RNASE4: variants seen among roughly 807,000 people sequenced by gnomAD.
The protein encoded by RNASE4 is ribonuclease A family member 4, also known as ribonuclease 4.
For synonymous variants in RNASE4, 93 were observed against 71.4 expected, an observed-to-expected ratio of 1.30 and a Z score of -1.52; for missense variants, 194 against 192.8, an observed-to-expected ratio of 1.01 and a Z score of -0.04.
At chr14:20,687,383 G>T (rs149763105) in intron 1 of RNASE4, among the ~76,000 whole-genome samples, 155 of 152,342 alleles carry the variant, frequency 1.0e-3, no homozygotes, top group African/African-American at 3.4e-3. Context: ...GCTGCTGGTT[G>T]CCCCACCTCA....
At chr14:20,690,333 A>T (rs563184930) in intron 1 of RNASE4, among the ~76,000 whole-genome samples, 1 of 152,130 alleles carries the variant, frequency 6.6e-6, no homozygotes, top group South Asian at 2.1e-4. Flanking sequence ...GTTTGGGTAC[A>T]GAAGGATATA....
intron 1 of RNASE4, chr14:20,693,461 G>A (rs1282392186): frequency 2.9e-5 from 44 of 1,539,896 alleles, no homozygotes; most frequent in Middle Eastern, 2.3e-4. Flanking sequence ...TCATGATGCC[G>A]TGTCAGAGAG....
At chr14:20,689,979 G>T (rs1481992198) in intron 1 of RNASE4, among the ~76,000 whole-genome samples, 9 of 149,874 alleles carry the variant, frequency 6.0e-5, no homozygotes, top group Non-Finnish European at 1.3e-4. Flanking sequence ...ACTTTGGGAG[G>T]CCGAGGCGGG....
At chr14:20,687,202 A>G (rs1482043922) in intron 1 of RNASE4, among the ~76,000 whole-genome samples, 1 of 152,246 alleles carries the variant, frequency 6.6e-6, no homozygotes, top group East Asian at 1.9e-4. Context: ...ATTCTAATGA[A>G]ATAGTAATTT....
intron 1 of RNASE4, among the ~76,000 whole-genome samples, chr14:20,686,410 GT>G (rs1886429203): frequency 1.3e-5 from 2 of 152,238 alleles, no homozygotes; most frequent in South Asian, 4.1e-4. Context: ...ATTGGTCACT[GT>G]GACTCAAATT....
rs560132718 is a variant in RNASE4, at chr14:20,693,127, G to A, written c.-17-6228G>A. ...CTCCCAAAGTGCTGGGATTACAGGC[G>A]TGAGCCACCGCGCCCGGCCGTCATT... On this transcript the variant is annotated intron_variant, in intron 1 of 1. Transcript: ENST00000555835. Among the ~76,000 whole-genome samples, 10 of 152,334 alleles carry A rather than the reference G, an allele frequency of 6.6e-5. No homozygotes were observed. The East Asian group carries it at 9.6e-4, about 15-fold the overall frequency.
At chr14:20,684,954 T>C (rs757103633) in intron 1 of RNASE4, among the ~76,000 whole-genome samples, 196 bp downstream of exon 1, 2 of 152,126 alleles carry the variant, frequency 1.3e-5, no homozygotes, top group Non-Finnish European at 2.9e-5. Context: ...ACATTCCCAC[T>C]CAGGTTTACT....
Position 20,699,433 on chromosome 14 carries a change from G to A in RNASE4, c.62G>A (p.Gly21Glu), listed in dbSNP as rs1435929889. ...TTGCTGCTGACCCTGCTGGGGCTGG[G>A]GCTGGTCCAGCCCTCCTATGGCCAG... ...LLLLLTLLGL[G>E]LVQPSYGQDG... is the part of the protein sequence containing the mutation. The change falls in exon 2 of 2, where the codon GGG (glycine) becomes GAG (glutamate). Residue 21 changes from glycine to glutamate, a missense_variant. Physicochemically the swap from Gly to Glu is moderately conservative, Grantham distance 98. Transcript: ENST00000555835. 1 of 1,611,870 alleles carries A rather than the reference G, an allele frequency of 6.2e-7. No individual in the cohort carries two copies. The highest frequency in any genetic ancestry group is 8.5e-7 in the Non-Finnish European group (1 of 1,178,478).
At chr14:20,693,737 G>T (rs1448731026) in intron 1 of RNASE4, 3 of 1,614,202 alleles carry the variant, frequency 1.9e-6, no homozygotes, top group Admixed American at 3.3e-5. Flanking sequence ...AGGAGACGGG[G>T]CCTGACCTCA....
intron 1 of RNASE4, chr14:20,693,852 C>T: frequency 6.2e-7 from 1 of 1,614,196 alleles, no homozygotes; most frequent in South Asian, 1.1e-5. Flanking sequence ...TAAGAATAAG[C>T]AAGTCTTCTT....
chr14:20,688,756 C>A, intron 1 of RNASE4: 1 of 985,216 alleles, frequency 1.0e-6, no homozygotes, highest in Non-Finnish European at 1.2e-6. Flanking sequence ...ACTATATAAT[C>A]AGAACCTGGA....
intron 1 of RNASE4, among the ~76,000 whole-genome samples, chr14:20,685,830 A>G (rs902095539): frequency 4.6e-5 from 7 of 151,980 alleles, no homozygotes; most frequent in Admixed American, 1.3e-4. Flanking sequence ...TCACAAGATC[A>G]GGAGTTCGAG....
At chr14:20,686,662 C>CTT (rs1886440482) in intron 1 of RNASE4, among the ~76,000 whole-genome samples, 1 of 152,222 alleles carries the variant, frequency 6.6e-6, no homozygotes, top group African/African-American at 2.4e-5. Context: ...ACAGGCATGT[C>CTT]AGCAGGACTT....
At chr14:20,693,341 G>A in intron 1 of RNASE4, 1 of 641,618 alleles carries the variant, frequency 1.6e-6, no homozygotes, top group Non-Finnish European at 2.7e-6. Context: ...GCTAGAGGTT[G>A]TGCTCAGGAA....
chr14:20,698,745 A>G (rs1887177376), intron 1 of RNASE4: 1 of 152,184 alleles, frequency 6.6e-6, no homozygotes, highest in African/African-American at 2.4e-5. Flanking sequence ...ATCACATTAG[A>G]ATAATAGCCA....
chr14:20,693,772 A>G lies in RNASE4; in HGVS notation c.-17-5583A>G, dbSNP rs121909541. On this transcript the variant is annotated intron_variant, in intron 1 of 1. Transcript: ENST00000555835. The stretch of plus-strand genomic sequence containing the variant: ...ACCCTGCAAAGACATCAACACATTT[A>G]TTCATGGCAACAAGCGCAGCATCAA... The G allele has an allele frequency of 6.9e-4, 1,115 of 1,614,232 alleles. No individual in the cohort carries two copies. The highest frequency in any genetic ancestry group is 7.5e-4 in the Non-Finnish European group (880 of 1,180,040).
intron 1 of RNASE4, chr14:20,689,001 C>T (rs767809814): frequency 2.6e-6 from 1 of 386,604 alleles, no homozygotes; most frequent in Non-Finnish European, 3.5e-6. Flanking sequence ...GGATCAGATT[C>T]TAAAGTTTAA....
intron 1 of RNASE4, among the ~76,000 whole-genome samples, chr14:20,696,272 G>C (rs1005591497): frequency 1.3e-5 from 2 of 152,196 alleles, no homozygotes; most frequent in African/African-American, 4.8e-5. Flanking sequence ...TGGGATGGGA[G>C]TGTTTCCTGA....
Position 20,695,606 on chromosome 14 carries a change from T to C in RNASE4, c.-17-3749T>C, listed in dbSNP as rs17114745. Among the ~76,000 whole-genome samples the C allele has an allele frequency of 9.4e-3, 1,428 of 152,368 alleles. 32 individuals carry two copies. The highest frequency in any genetic ancestry group is 0.033 in the African/African-American group (1,367 of 41,578). ...ATTTTATTTAGAAAGTGGTTGCCAA[T>C]AAATTAGTTATAAGTCGCCAGTTTC... On this transcript the variant is annotated intron_variant, in intron 1 of 1. Transcript: ENST00000555835.
Sources: gnomAD v4.1 joint callset for allele counts (sites outside exome capture counted in the v4.1 genomes callset) on GRCh38, gnomAD v4.1.1 for gene constraint, MANE v1.5 for transcripts, NCBI Gene and HGNC (gene_info 2026-07-23, HGNC 2026-07-21) for gene names.